Variants in ADAMTS20 observed in about 807,000 individuals in gnomAD.
The protein encoded by ADAMTS20 is A disintegrin and metalloproteinase with thrombospondin motifs 20.
Under a neutral mutation model 260.1 loss-of-function variants are expected in ADAMTS20, and 225 were observed. The observed-to-expected ratio is 0.87, with a 90% confidence interval of 0.78 to 0.97. The LOEUF is 0.97. ADAMTS20 is among the 50% of genes least tolerant of loss of function. The pLI is 0.00. For synonymous variants in ADAMTS20, 802 were observed against 769.5 expected (o/e 1.04, Z -0.70); for missense variants, 2,400 against 2,337.7 (o/e 1.03, Z -0.55).
chr12:43,497,718 T>G (rs1341561859), intron 4 of ADAMTS20, among the ~76,000 whole-genome samples: 5 of 152,086 alleles, frequency 3.3e-5, no homozygotes, highest in African/African-American at 1.2e-4. Context: ...TTGAAAGTAA[T>G]GGTATAAAAT....
At chr12:43,494,942 T>C (rs992785689) in intron 4 of ADAMTS20, among the ~76,000 whole-genome samples, 1 of 152,178 alleles carries the variant, frequency 6.6e-6, no homozygotes, top group Non-Finnish European at 1.5e-5. Context: ...AAAACAGCTG[T>C]GAAGACTTCT....
intron 37 of ADAMTS20, among the ~76,000 whole-genome samples, chr12:43,358,836 C>CAAAAA (rs151206551): frequency 3.3e-5 from 2 of 61,216 alleles, no homozygotes; most frequent in Non-Finnish European, 6.7e-5. Flanking sequence ...AACTCCGTCT[C>CAAAAA]AAAAAAAAAA....
chr12:43,415,911 C>T (rs1232820193), intron 28 of ADAMTS20, among the ~76,000 whole-genome samples: 2 of 152,212 alleles, frequency 1.3e-5, no homozygotes, highest in African/African-American at 4.8e-5. Context: ...GGGCCCTTCA[C>T]ACTGCAATGT....
intron 28 of ADAMTS20, among the ~76,000 whole-genome samples, chr12:43,420,349 CTTT>C (rs1941202844): frequency 1.3e-5 from 2 of 152,110 alleles, no homozygotes; most frequent in African/African-American, 2.4e-5. Flanking sequence ...AATGAATGTA[CTTT>C]AGAAAGATAC....
intron 27 of ADAMTS20, among the ~76,000 whole-genome samples, chr12:43,427,087 C>T (rs1223392396): frequency 2.6e-5 from 4 of 152,016 alleles, no homozygotes; most frequent in Non-Finnish European, 4.4e-5. Context: ...GTGGGAAGAT[C>T]GCTTGAGCCC....
chr12:43,428,501 T>C lies in ADAMTS20; in HGVS notation c.3685A>G (p.Thr1229Ala). The change falls in exon 26 of 39, where the codon ACT becomes GCT. Residue 1229 changes from threonine to alanine, a missense_variant. Coordinates refer to ENST00000389420, the MANE Select transcript of ADAMTS20 (RefSeq NM_025003.5). ...CSASCGHGKTTRQVLCMNYHQ... is the reference protein window; with the variant it reads ...CSASCGHGKTARQVLCMNYHQ... The stretch of plus-strand genomic sequence containing the variant: ...TAGTTCATGCATAAAACTTGTCGAG[T>C]TGTTTTTCCATGGCCACAGGAAGCT... 1 of 1,613,718 alleles carries C rather than the reference T, an allele frequency of 6.2e-7. No homozygotes were observed. Among genetic ancestry groups the C allele is most frequent in the Non-Finnish European group, 8.5e-7 (1 of 1,179,718 alleles).
At chr12:43,486,411 T>C (rs1400610561) in intron 7 of ADAMTS20, among the ~76,000 whole-genome samples, 1 of 152,104 alleles carries the variant, frequency 6.6e-6, no homozygotes, top group Non-Finnish European at 1.5e-5. Context: ...ATATTTCACC[T>C]TATACAAAAA....
At position 43,514,063 on chromosome 12, in the gene ADAMTS20, T is replaced by A. The variant is rs533385469; in HGVS notation, c.614-11658A>T. ...TACCCTAAAACTTAAAGTATAATTTTAAAAAAAAGAGAGAATAAACTCTAA... is the reference window on the plus strand; with the variant it reads ...TACCCTAAAACTTAAAGTATAATTTAAAAAAAAAGAGAGAATAAACTCTAA... On this transcript the variant is annotated intron_variant, in intron 3 of 38. Coordinates refer to ENST00000389420, the MANE Select transcript of ADAMTS20 (RefSeq NM_025003.5). Among the ~76,000 whole-genome samples the A allele has an allele frequency of 6.8e-3, 837 of 123,236 alleles. 9 individuals are homozygous for A. The highest frequency in any genetic ancestry group is 0.016 in the African/African-American group (521 of 32,536). The allele number at this position is 123,236 out of a possible 152,430, so 80.8% of individuals were successfully genotyped here.
chr12:43,455,188 TATG>T (rs1222800670), intron 11 of ADAMTS20, among the ~76,000 whole-genome samples: 1 of 152,232 alleles, frequency 6.6e-6, no homozygotes, highest in Non-Finnish European at 1.5e-5. Context: ...CTTAGCATAA[TATG>T]CCCAAGCTTC....
rs375872389 is a variant in ADAMTS20 at position 43,551,441 on chromosome 12, G to C, written c.92-171C>G. ...CACACACACACACGTGCACTGGGAC[G>C]GTTAGTGCTCTGCTTTCCCACACCC... On this transcript the variant is annotated intron_variant, in intron 1 of 38. Coordinates refer to ENST00000389420, the MANE Select transcript of ADAMTS20 (RefSeq NM_025003.5). This position sits in a 1 kb window ranked among gnomAD's most constrained non-coding sequence, Gnocchi z 4.6. Among the ~76,000 whole-genome samples the C allele has an allele frequency of 6.6e-6, 1 of 151,994 alleles. No homozygotes were observed. Among genetic ancestry groups the C allele is most frequent in the East Asian group, 1.9e-4 (1 of 5,166 alleles).
chr12:43,430,235 A>G, intron 23 of ADAMTS20, 117 bp downstream of exon 23: 1 of 1,225,034 alleles, frequency 8.2e-7, no homozygotes. Flanking sequence ...TCACACATAC[A>G]CGTGTTTAAG....
intron 3 of ADAMTS20, among the ~76,000 whole-genome samples, chr12:43,509,842 A>G (rs1942898942): frequency 6.6e-6 from 1 of 152,186 alleles, no homozygotes; most frequent in Non-Finnish European, 1.5e-5. Flanking sequence ...TGACTGCTAT[A>G]AAAGCAATAT....
At chr12:43,358,119 G>C (rs904031178) in intron 37 of ADAMTS20, among the ~76,000 whole-genome samples, 1 of 151,982 alleles carries the variant, frequency 6.6e-6, no homozygotes, top group Non-Finnish European at 1.5e-5. Flanking sequence ...TGCTCAATTG[G>C]GCCATGCAAC....
chr12:43,418,893 A>T (rs1255256445), intron 28 of ADAMTS20, among the ~76,000 whole-genome samples: 3 of 152,208 alleles, frequency 2.0e-5, no homozygotes, highest in Non-Finnish European at 2.9e-5. Context: ...TTACTGGTAT[A>T]TATCAGGAGC....
intron 3 of ADAMTS20, among the ~76,000 whole-genome samples, chr12:43,525,804 A>T (rs1943133765): frequency 6.6e-6 from 1 of 152,182 alleles, no homozygotes; most frequent in Non-Finnish European, 1.5e-5. Context: ...ATAATGATAA[A>T]AGGATCAATC....
intron 15 of ADAMTS20, 111 bp from the exon 16 acceptor site, chr12:43,443,994 G>A (rs192325117): frequency 7.8e-6 from 6 of 765,028 alleles, no homozygotes; most frequent in Non-Finnish European, 8.7e-6. Context: ...TAATTTTGTT[G>A]TGTCTTTACA....
intron 37 of ADAMTS20, among the ~76,000 whole-genome samples, chr12:43,362,479 G>A (rs1163359971): frequency 6.6e-6 from 1 of 152,106 alleles, no homozygotes; most frequent in Non-Finnish European, 1.5e-5. Flanking sequence ...GATTGAATGA[G>A]AACATAGGAT....
chr12:43,460,125 G>T lies in ADAMTS20; in HGVS notation c.1614+2770C>A, dbSNP rs1168955603. Among the ~76,000 whole-genome samples the T allele has an allele frequency of 1.3e-5, 2 of 152,092 alleles. 1 individual carries two copies. Among genetic ancestry groups the T allele is most frequent in the South Asian group, 4.1e-4 (2 of 4,828 alleles). ...ACTGAATACAGCTAAATATATAGGG[G>T]TTCACTGTGTTTTATTAATTTAAAA... On this transcript the variant is annotated intron_variant, in intron 11 of 38. Coordinates refer to ENST00000389420, the MANE Select transcript of ADAMTS20 (RefSeq NM_025003.5).
At chr12:43,420,982 A>AT (rs1352833911) in intron 28 of ADAMTS20, among the ~76,000 whole-genome samples, 17 of 150,196 alleles carry the variant, frequency 1.1e-4, no homozygotes, top group African/African-American at 4.2e-4. Context: ...TAATTTTTGT[A>AT]TTTTTAGTAG....
Sources: gnomAD v4.1 joint callset for allele counts (sites outside exome capture counted in the v4.1 genomes callset) on GRCh38, gnomAD v4.1.1 for gene constraint, Gnocchi (gnomAD v3.1) non-coding constraint, MANE v1.5 for transcripts, NCBI Gene and HGNC (gene_info 2026-07-23, HGNC 2026-07-21) for gene names.